The following WDR62 variants were observed in gnomAD, a reference collection of about 807,000 sequenced individuals.
WDR62 encodes WD repeat domain 62, also known as WD repeat-containing protein 62.
In WDR62, 112 loss-of-function variants were observed where a neutral mutation model predicts 160.6. That is an observed-to-expected ratio of 0.70 (90% CI 0.60 to 0.82). WDR62 has a LOEUF of 0.82. Ranked by LOEUF, WDR62 falls within the 40% of genes least tolerant of loss-of-function variation. WDR62 has a pLI of 0.00. For missense variants in WDR62, 1,819 were observed against 1,983.8 expected, an observed-to-expected ratio of 0.92 and a Z score of 1.58; for synonymous variants, 792 against 815.1, an observed-to-expected ratio of 0.97 and a Z score of 0.48.
chr19:36,058,515 A>G lies in WDR62; in HGVS notation c.178-265A>G, dbSNP rs546249148. On this transcript the variant is annotated intron_variant, in intron 1 of 31. Transcript: ENST00000401500. ...CACATATTTGTTCTGCTCCTTTTCT[A>G]TGTTCTACATACCCATCACCAGTAG... Among the ~76,000 whole-genome samples the G allele has an allele frequency of 5.3e-5, 8 of 152,188 alleles. No homozygotes were observed. The South Asian group carries it at 8.3e-4, about 16-fold the overall frequency.
chr19:36,093,924 A>C, intron 19 of WDR62, 107 bp from the exon 20 acceptor site: 1 of 1,423,842 alleles, frequency 7.0e-7, no homozygotes, highest in African/African-American at 1.4e-5. Flanking sequence ...CCAGCAGCCA[A>C]GAATATGTTC....
intron 14 of WDR62, 36 bp from the exon 15 acceptor site, chr19:36,089,149 C>G: frequency 6.2e-7 from 1 of 1,612,704 alleles, no homozygotes; most frequent in South Asian, 1.1e-5. Flanking sequence ...GGGGGGTTGT[C>G]GGGGCATTCT....
At chr19:36,088,327 A>G (rs1972379873) in intron 13 of WDR62, among the ~76,000 whole-genome samples, 1 of 152,242 alleles carries the variant, frequency 6.6e-6, no homozygotes, top group Non-Finnish European at 1.5e-5. Context: ...AAATGAGAAT[A>G]ATAAAAGCAA....
intron 9 of WDR62, chr19:36,073,880 A>G: frequency 2.7e-6 from 1 of 375,058 alleles, no homozygotes; most frequent in South Asian, 2.0e-5. Context: ...ACCTGCAGGA[A>G]ATCGGGGAGT....
intron 10 of WDR62, 138 bp downstream of exon 10, chr19:36,081,708 C>T (rs116976346): frequency 0.017 from 18,537 of 1,092,210 alleles, 1,062 homozygotes; most frequent in South Asian, 0.12. Flanking sequence ...CAAGGCAGGT[C>T]CCTCTCTGCA....
chr19:36,062,289 A>G (rs1970688530), intron 3 of WDR62: 1 of 152,072 alleles, frequency 6.6e-6, no homozygotes, highest in Non-Finnish European at 1.5e-5. Context: ...TTTTTTGTCT[A>G]TATACATATT....
downstream of WDR62, among the ~76,000 whole-genome samples, chr19:36,108,846 CCT>C (rs1397163619): frequency 7.6e-6 from 1 of 131,704 alleles, no homozygotes; most frequent in Non-Finnish European, 1.6e-5. Flanking sequence ...AAAGCAAGGC[CCT>C]GTCTCAAAAA....
chr19:36,057,305 A>C (rs187985908), intron 1 of WDR62, among the ~76,000 whole-genome samples: 1 of 152,226 alleles, frequency 6.6e-6, no homozygotes, highest in Admixed American at 6.5e-5. Flanking sequence ...TATTTGGGGT[A>C]ATATTTATTT....
intron 15 of WDR62, 68 bp downstream of exon 15, chr19:36,089,374 T>C (rs1343692236): frequency 3.1e-6 from 5 of 1,612,172 alleles, no homozygotes; most frequent in Admixed American, 1.7e-5. Flanking sequence ...CTTTCCTCCC[T>C]CTGTTCCTCT....
chr19:36,104,487 C>T (rs1973611282), intron 30 of WDR62, 31 bp from the exon 31 acceptor site: 1 of 1,611,970 alleles, frequency 6.2e-7, no homozygotes, highest in South Asian at 1.1e-5. Flanking sequence ...GAATGCAGCT[C>T]ATCTTGCTCA....
At chr19:36,087,942 C>T (rs1203552304) in intron 13 of WDR62, among the ~76,000 whole-genome samples, 4 of 152,170 alleles carry the variant, frequency 2.6e-5, no homozygotes, top group East Asian at 1.9e-4. Context: ...TGCTCATGGT[C>T]GTAATATTGT....
chr19:36,057,632 A>C (rs371472414), intron 1 of WDR62, among the ~76,000 whole-genome samples: 12 of 152,018 alleles, frequency 7.9e-5, no homozygotes, highest in African/African-American at 2.7e-4. Flanking sequence ...TTACTGCCTC[A>C]GCCTCCTGAG....
At chr19:36,056,583 C>T (rs1970383669) in intron 1 of WDR62, among the ~76,000 whole-genome samples, 2 of 152,172 alleles carry the variant, frequency 1.3e-5, no homozygotes, top group African/African-American at 4.8e-5. Flanking sequence ...AAACAGCCAC[C>T]TTCATCTGTC....
chr19:36,102,619 T>C, intron 26 of WDR62, 118 bp from the exon 27 acceptor site: 1 of 826,926 alleles, frequency 1.2e-6, no homozygotes, highest in Non-Finnish European at 2.0e-6. Flanking sequence ...CCCCTGCTCG[T>C]ACCCTGTGTC....
Position 36,090,433 on chromosome 19 carries a change from C to T in WDR62, c.1959-12C>T. On this transcript the variant is annotated splice_polypyrimidine_tract_variant and intron_variant, in intron 15 of 31. Transcript: ENST00000401500. Reference sequence around the variant, plus strand: ...GGGCCCTGTTGGCCGCAACATGCCCCTACTTCCCCAGAGTCTACAACACTG... The same window carrying T: ...GGGCCCTGTTGGCCGCAACATGCCCTTACTTCCCCAGAGTCTACAACACTG... 1 of 1,614,002 alleles carries T rather than the reference C, an allele frequency of 6.2e-7. No homozygotes were observed. The highest frequency in any genetic ancestry group is 1.1e-5 in the South Asian group (1 of 91,076).
chr19:36,066,979 T>A (rs564280249), intron 5 of WDR62, among the ~76,000 whole-genome samples: 1 of 152,300 alleles, frequency 6.6e-6, no homozygotes, highest in South Asian at 2.1e-4. Flanking sequence ...AGGAGCCCCA[T>A]CTGTGACAGC....
chr19:36,087,786 T>C (rs1374267238), intron 13 of WDR62, among the ~76,000 whole-genome samples: 3 of 151,990 alleles, frequency 2.0e-5, no homozygotes, highest in African/African-American at 7.3e-5. Flanking sequence ...TTCACTGCAC[T>C]CCAGTCTGGG....
intron 19 of WDR62, among the ~76,000 whole-genome samples, chr19:36,093,034 G>A (rs1173980434): frequency 6.6e-5 from 10 of 152,234 alleles, no homozygotes; most frequent in Admixed American, 6.5e-4. Context: ...ACAGAGTCTT[G>A]CTGTGTTGCC....
At chr19:36,069,069 C>T (rs891144881) in intron 7 of WDR62, among the ~76,000 whole-genome samples, 3 of 146,632 alleles carry the variant, frequency 2.0e-5, no homozygotes, top group African/African-American at 7.7e-5. Flanking sequence ...GCTGGCCGGG[C>T]GGGGGCTAAC....
Sources: allele counts gnomAD v4.1 joint callset (sites outside exome capture counted in the v4.1 genomes callset), GRCh38; gene constraint gnomAD v4.1.1; transcripts MANE v1.5; gene names NCBI Gene and HGNC (gene_info 2026-07-23, HGNC 2026-07-21).